Variants in FAM135B observed in about 807,000 individuals in gnomAD.
The protein encoded by FAM135B is protein FAM135B.
A neutral mutation model predicts 127.7 loss-of-function variants in FAM135B; 43 were observed. The ratio of observed to expected loss-of-function variants is 0.34; its 90% CI spans 0.26 to 0.43. The LOEUF is 0.43. FAM135B is among the 20% of genes least tolerant of loss of function. FAM135B has a pLI of 1.00. For synonymous variants in FAM135B, 670 were observed against 665.1 expected (o/e 1.01, Z -0.11); for missense variants, 1,558 against 1,725.6 (o/e 0.90, Z 1.72).
At chr8:138,396,748 G>T (rs908841879) in intron 1 of FAM135B, among the ~76,000 whole-genome samples, 4 of 152,024 alleles carry the variant, frequency 2.6e-5, no homozygotes, top group African/African-American at 9.7e-5. Flanking sequence ...CTCACCCACA[G>T]CTGCAGGGCC....
At chr8:138,421,739 T>A (rs1834522798) in intron 1 of FAM135B, among the ~76,000 whole-genome samples, 1 of 152,180 alleles carries the variant, frequency 6.6e-6, no homozygotes, top group African/African-American at 2.4e-5. Flanking sequence ...TCAATGCTAT[T>A]TTTATCAAAC....
At chr8:138,177,294 A>C in intron 11 of FAM135B, 53 bp downstream of exon 11, 1 of 1,534,192 alleles carries the variant, frequency 6.5e-7, no homozygotes, top group East Asian at 2.3e-5. Flanking sequence ...TTTGAACAGC[A>C]TGTCTTGGGT....
In FAM135B at chr8:138,242,929, A is replaced by G. The variant is rs1478149972; in HGVS notation, c.669+13T>C. Reference sequence around the variant, plus strand: ...TTGAAAGTTTTGAAGCAACTGCCCCACACAGGCCTTACCTCTGAGGAAGTC... The same window carrying G: ...TTGAAAGTTTTGAAGCAACTGCCCCGCACAGGCCTTACCTCTGAGGAAGTC... On this transcript the variant is annotated intron_variant, in intron 7 of 19. Coordinates refer to ENST00000395297, the MANE Select transcript of FAM135B (RefSeq NM_015912.4). The surrounding 1 kb of genome is among the most constrained non-coding windows in gnomAD (Gnocchi z 9.6). 7 of 1,610,552 alleles carry G rather than the reference A, an allele frequency of 4.3e-6. No homozygotes were observed. The highest frequency in any genetic ancestry group is 1.7e-4 in the Middle Eastern group (1 of 6,028).
At chr8:138,342,162 G>A (rs1178052773) in intron 2 of FAM135B, among the ~76,000 whole-genome samples, 3 of 152,264 alleles carry the variant, frequency 2.0e-5, no homozygotes, top group East Asian at 1.9e-4. Context: ...ATAATATAGG[G>A]AAATACAGGC....
intron 3 of FAM135B, chr8:138,308,834 T>G (rs552837187): frequency 3.8e-6 from 1 of 265,692 alleles, no homozygotes; most frequent in Non-Finnish European, 7.6e-6. Flanking sequence ...AGCAGAGTCC[T>G]TGACGGGAGC....
intron 4 of FAM135B, among the ~76,000 whole-genome samples, chr8:138,263,690 T>C (rs1427877026): frequency 6.6e-6 from 1 of 152,156 alleles, no homozygotes; most frequent in East Asian, 1.9e-4. Flanking sequence ...GGACATGATA[T>C]AGAGAGTCAA....
chr8:138,151,982 C>T lies in FAM135B; in HGVS notation c.2493G>A (p.Glu831=), dbSNP rs761946386. The part of the protein sequence containing the change: ...TDAGADHPLV[E]IVLDADNQQG... ...GCTGGTTGTCAGCATCTAAAACTAT[C>T]TCCACCAGGGGATGGTCTGCTCCAG... Residue 831 remains glutamate (E), a synonymous_variant, in exon 13 of 20, where the codon GAG becomes GAA. Transcript: ENST00000395297. 21 of 1,613,984 alleles carry T rather than the reference C, an allele frequency of 1.3e-5. No individual in the cohort carries two copies. Among genetic ancestry groups the T allele is most frequent in the Non-Finnish European group, 1.8e-5 (21 of 1,180,020 alleles).
intron 1 of FAM135B, among the ~76,000 whole-genome samples, chr8:138,469,116 G>A (rs1837540107): frequency 6.6e-6 from 1 of 150,902 alleles, no homozygotes; most frequent in Admixed American, 6.6e-5. Flanking sequence ...AGGGAAAGAA[G>A]GAAGGAAGGA....
At chr8:138,486,908 A>C (rs1185823517) in intron 1 of FAM135B, among the ~76,000 whole-genome samples, 1 of 151,950 alleles carries the variant, frequency 6.6e-6, no homozygotes, top group African/African-American at 2.4e-5. Context: ...TGACCAACTC[A>C]TCTGTGTTGT....
intron 1 of FAM135B, among the ~76,000 whole-genome samples, chr8:138,404,755 A>C (rs1587364563): frequency 1.3e-5 from 2 of 152,258 alleles, no homozygotes; most frequent in South Asian, 4.1e-4. Flanking sequence ...TTATCATGAG[A>C]TTGTAGCAGT....
At chr8:138,245,490 A>G (rs1243645296) in intron 6 of FAM135B, among the ~76,000 whole-genome samples, 3 of 152,104 alleles carry the variant, frequency 2.0e-5, no homozygotes, top group Admixed American at 2.0e-4. Context: ...GCTTTCCCCC[A>G]TTTGCTCAGC....
In FAM135B at chr8:138,130,812, C is replaced by G. The variant is rs1183234052; in HGVS notation, c.*1781G>C. The G allele has an allele frequency of 2.6e-5, 4 of 152,220 alleles. No homozygotes were observed. Among genetic ancestry groups the G allele is most frequent in the Non-Finnish European group, 4.4e-5 (3 of 68,076 alleles). The allele number at this position is 152,220 out of a possible 1,614,324, so 9.4% of individuals were successfully genotyped here. A position where few individuals can be genotyped will look rare whatever the true frequency, so the allele number is the denominator to read the frequency against. On this transcript the variant is annotated 3_prime_UTR_variant, in exon 20 of 20. Coordinates refer to ENST00000395297, the MANE Select transcript of FAM135B (RefSeq NM_015912.4). ...GAAGAACCAGAGTCTATGCCCAGCT[C>G]TGACTCGGGAGCTCAGATAAAAATC... is the stretch of plus-strand genomic sequence containing the variant.
intron 12 of FAM135B, among the ~76,000 whole-genome samples, chr8:138,157,594 CA>C (rs1818894660): frequency 6.7e-6 from 1 of 148,968 alleles, no homozygotes; most frequent in Non-Finnish European, 1.5e-5. Flanking sequence ...GCACCTTCAG[CA>C]AAGTCTCAGT....
intron 2 of FAM135B, among the ~76,000 whole-genome samples, chr8:138,332,310 CCA>C (rs1365370524): frequency 6.6e-6 from 1 of 152,106 alleles, no homozygotes; most frequent in East Asian, 1.9e-4. Flanking sequence ...AAAGATGTTG[CCA>C]CTCTTAGGAG....
In FAM135B at chr8:138,243,980, A is replaced by G. The variant is rs559491263; in HGVS notation, c.543-912T>C. Reference sequence around the variant, plus strand: ...TTGACAATAAATAGCCCCAGGTGACATCATCTTCATCATCTTCACTATGGG... The same window carrying G: ...TTGACAATAAATAGCCCCAGGTGACGTCATCTTCATCATCTTCACTATGGG... On this transcript the variant is annotated intron_variant, in intron 6 of 19. Transcript: ENST00000395297. This position sits in a 1 kb window ranked among gnomAD's most constrained non-coding sequence, Gnocchi z 7.5. Among the ~76,000 whole-genome samples, 6 of 152,342 alleles carry G rather than the reference A, an allele frequency of 3.9e-5. No homozygotes were observed. The South Asian group carries it at 1.0e-3, about 26-fold the overall frequency.
intron 7 of FAM135B, among the ~76,000 whole-genome samples, chr8:138,236,431 C>T (rs1308947470): frequency 6.6e-6 from 1 of 151,410 alleles, no homozygotes; most frequent in Non-Finnish European, 1.5e-5. Flanking sequence ...CACACACATC[C>T]CCACATACAC....
chr8:138,193,206 A>T (rs1274908522), intron 9 of FAM135B, among the ~76,000 whole-genome samples: 1 of 152,190 alleles, frequency 6.6e-6, no homozygotes, highest in Non-Finnish European at 1.5e-5. Context: ...CACTTACCAG[A>T]TGACTTTGGA....
In FAM135B at chr8:138,250,722, G is replaced by A. The variant is rs558552824; in HGVS notation, c.542+119C>T. Reference sequence around the variant, plus strand: ...TCAGTGAGGCCCAAAGCTTAAACCTGCAGCCTTAGAGAAACTCCCTTGCGT... The same window carrying A: ...TCAGTGAGGCCCAAAGCTTAAACCTACAGCCTTAGAGAAACTCCCTTGCGT... On this transcript the variant is annotated intron_variant, in intron 6 of 19. Transcript: ENST00000395297. The A allele has an allele frequency of 1.2e-4, 135 of 1,129,082 alleles. 5 individuals are homozygous for A. The South Asian group carries it at 1.9e-3, about 16-fold the overall frequency. 69.9% of individuals were successfully genotyped at this position (1,129,082 alleles called of 1,614,324 possible). A position where few individuals can be genotyped will look rare whatever the true frequency, so the allele number is the denominator to read the frequency against.
At chr8:138,453,467 G>A (rs1001518598) in intron 1 of FAM135B, among the ~76,000 whole-genome samples, 6 of 149,882 alleles carry the variant, frequency 4.0e-5, no homozygotes, top group Admixed American at 2.0e-4. Context: ...TCTTCATGAC[G>A]TAAGAGAAGT....
Sources: gnomAD v4.1 joint callset for allele counts (sites outside exome capture counted in the v4.1 genomes callset) on GRCh38, gnomAD v4.1.1 for gene constraint, Gnocchi (gnomAD v3.1) non-coding constraint, MANE v1.5 for transcripts, NCBI Gene and HGNC (gene_info 2026-07-23, HGNC 2026-07-21) for gene names.